ERBIN: variants seen among roughly 807,000 people sequenced by gnomAD.
ERBIN encodes the protein densin-180-like protein.
A neutral mutation model predicts 158.4 loss-of-function variants in ERBIN; 60 were observed. The ratio of observed to expected loss-of-function variants is 0.38; its 90% confidence interval spans 0.31 to 0.47. The LOEUF is 0.47. Ranked by LOEUF, ERBIN falls within the 20% of genes least tolerant of loss-of-function variation. The pLI is 0.99. For synonymous variants in ERBIN, 594 were observed against 557.2 expected, an observed-to-expected ratio of 1.07 and a Z score of -0.93; for missense variants, 1,610 against 1,648.0, an observed-to-expected ratio of 0.98 and a Z score of 0.40.
chr5:66,043,084 T>C lies in ERBIN; in HGVS notation c.1314T>C (p.Phe438=). ...TTTTTTACTTTTCTCTAGTTATGTT[T>C]ATATCAGATAATGAAAGTTTTAACC... ...PQQPRTEDVM[F]ISDNESFNPS... Residue 438 remains phenylalanine (F), a synonymous_variant, in exon 16 of 26, where the codon TTT becomes TTC. Transcript: ENST00000284037. 6.3e-7 allele frequency: 1 copy of C among 1,598,278 alleles called. No individual in the cohort carries two copies. Among genetic ancestry groups the C allele is most frequent in the Non-Finnish European group, 8.6e-7 (1 of 1,167,544 alleles).
intron 1 of ERBIN, among the ~76,000 whole-genome samples, chr5:65,975,462 C>T (rs563908249): frequency 9.2e-5 from 14 of 151,784 alleles, no homozygotes; most frequent in African/African-American, 2.4e-4. Flanking sequence ...CCCGGCATCA[C>T]GCCTGGCTAA....
At chr5:66,076,994 A>G (rs752962229) in intron 25 of ERBIN, 45 bp downstream of exon 25, 4 of 1,317,316 alleles carry the variant, frequency 3.0e-6, no homozygotes, top group Admixed American at 3.8e-5. Context: ...TAACACTCTA[A>G]TGTTTTCACA....
At position 66,012,133 on chromosome 5, in the gene ERBIN, TTC is replaced by T; in HGVS notation, c.386+9_386+10del. The stretch of plus-strand genomic sequence containing the variant: ...AGTGTAAACCCTATTTCCAAGTAAG[TTC>T]TCAGGTGAATTATAAATTACTTTTG... On this transcript the variant is annotated splice_region_variant and intron_variant, in intron 5 of 25. Transcript: ENST00000284037. 1 of 1,548,954 alleles carries T rather than the reference TTC, an allele frequency of 6.5e-7. No homozygotes were observed. Among genetic ancestry groups the T allele is most frequent in the Non-Finnish European group, 8.8e-7 (1 of 1,139,614 alleles).
chr5:65,930,854 A>T (rs1743279124), intron 1 of ERBIN, among the ~76,000 whole-genome samples: 1 of 152,170 alleles, frequency 6.6e-6, no homozygotes, highest in Admixed American at 6.5e-5. Flanking sequence ...CTGACACAGA[A>T]TCCCTAAAAT....
At chr5:66,068,286 A>T (rs1761203833) in intron 21 of ERBIN, among the ~76,000 whole-genome samples, 1 of 152,088 alleles carries the variant, frequency 6.6e-6, no homozygotes. Flanking sequence ...GCAGTGAGCC[A>T]GGAGCTTGCT....
chr5:66,062,779 G>A lies in ERBIN; in HGVS notation c.3633+7828G>A, dbSNP rs149675235. Among the ~76,000 whole-genome samples, 1,127 of 152,312 alleles carry A rather than the reference G, an allele frequency of 7.4e-3. 20 individuals are homozygous for A. Among genetic ancestry groups the A allele is most frequent in the African/African-American group, 0.026 (1,079 of 41,568 alleles). ...TAATAGTCACAACCCTCAGCTGCAG[G>A]TCTGTTGGAGTTGACTGGAGGTCCA... On this transcript the variant is annotated intron_variant, in intron 21 of 25. Transcript: ENST00000284037.
intron 25 of ERBIN, among the ~76,000 whole-genome samples, chr5:66,077,158 A>G (rs929668723): frequency 6.6e-6 from 1 of 151,900 alleles, no homozygotes; most frequent in South Asian, 2.1e-4. Context: ...CTCAAAAAAA[A>G]AAAAAAAAAA....
At chr5:65,992,213 G>A (rs1243035031) in intron 2 of ERBIN, among the ~76,000 whole-genome samples, 3 of 151,858 alleles carry the variant, frequency 2.0e-5, no homozygotes, top group Non-Finnish European at 2.9e-5. Flanking sequence ...GCAGTGGCGC[G>A]ATCTCGGCTC....
intron 1 of ERBIN, among the ~76,000 whole-genome samples, chr5:65,958,228 C>G (rs1038853099): frequency 6.6e-6 from 1 of 152,102 alleles, no homozygotes; most frequent in Admixed American, 6.5e-5. Flanking sequence ...GGCGGCCGGG[C>G]AGAGGCTGCA....
intron 14 of ERBIN, among the ~76,000 whole-genome samples, chr5:66,032,833 T>G (rs1403313832): frequency 1.3e-5 from 2 of 152,164 alleles, no homozygotes; most frequent in Non-Finnish European, 2.9e-5. Flanking sequence ...AAGCAATGCA[T>G]GTATGTGAGA....
intron 1 of ERBIN, among the ~76,000 whole-genome samples, chr5:65,937,389 A>G (rs1744213229): frequency 6.6e-6 from 1 of 152,218 alleles, no homozygotes; most frequent in South Asian, 2.1e-4. Context: ...CGTTTGTTGA[A>G]TAATCGTTTT....
At chr5:65,927,056 C>G (rs1335608144) in intron 1 of ERBIN, among the ~76,000 whole-genome samples, 1 of 147,142 alleles carries the variant, frequency 6.8e-6, no homozygotes, top group South Asian at 2.2e-4. Context: ...TGCGGTGGGA[C>G]GAAAAGTTTT....
intron 1 of ERBIN, among the ~76,000 whole-genome samples, chr5:65,974,323 G>A (rs554811887): frequency 2.0e-4 from 31 of 152,290 alleles, no homozygotes; most frequent in South Asian, 8.3e-4. Flanking sequence ...TAAACTTTGC[G>A]TCTAAGACTT....
chr5:66,002,320 G>T (rs2151077133), intron 4 of ERBIN, among the ~76,000 whole-genome samples: 1 of 152,148 alleles, frequency 6.6e-6, no homozygotes, highest in East Asian at 1.9e-4. Context: ...AGTTCTCTAA[G>T]CTGCTATCCC....
chr5:65,992,149 C>T (rs1241347502), intron 2 of ERBIN, among the ~76,000 whole-genome samples: 1 of 152,034 alleles, frequency 6.6e-6, no homozygotes, highest in Non-Finnish European at 1.5e-5. Flanking sequence ...AGACTCAAAG[C>T]ACAGTTTTTT....
At chr5:66,077,591 C>T (rs27569) in intron 25 of ERBIN, among the ~76,000 whole-genome samples, 46,670 of 151,884 alleles carry the variant, frequency 0.31, 9,289 homozygotes, top group African/African-American at 0.54. Context: ...AAAAATAAAA[C>T]TAATTAAAAA....
At chr5:65,998,574 A>G (rs902675011) in intron 4 of ERBIN, among the ~76,000 whole-genome samples, 7 of 152,022 alleles carry the variant, frequency 4.6e-5, no homozygotes, top group Non-Finnish European at 8.8e-5. Flanking sequence ...ATTCATGCAT[A>G]GTGATGTCCT....
chr5:66,038,363 C>G lies in ERBIN; in HGVS notation c.1207-20C>G. 6.6e-7 allele frequency: 1 copy of G among 1,507,910 alleles called. No homozygotes were observed. The highest frequency in any genetic ancestry group is 1.2e-5 in the South Asian group (1 of 86,150). The allele number at this position is 1,507,910 out of a possible 1,614,324, so 93.4% of individuals were successfully genotyped here. ...TGCTTTAGGGTTATTGAAAATTAAG[C>G]ATTTATTTTCCTTCTCTAGTCCAAA... On this transcript the variant is annotated intron_variant, in intron 14 of 25. Transcript: ENST00000284037.
At chr5:65,982,207 C>T (rs1460217981) in intron 1 of ERBIN, among the ~76,000 whole-genome samples, 2 of 152,172 alleles carry the variant, frequency 1.3e-5, no homozygotes, top group Non-Finnish European at 2.9e-5. Flanking sequence ...AGTACCTGCT[C>T]ATGCAGTAGT....
Sources: allele counts gnomAD v4.1 joint callset (sites outside exome capture counted in the v4.1 genomes callset), GRCh38; gene constraint gnomAD v4.1.1; transcripts MANE v1.5; gene names NCBI Gene and HGNC (gene_info 2026-07-23, HGNC 2026-07-21).